NTM: variants seen among roughly 807,000 people sequenced by gnomAD.
The protein encoded by NTM is neurotrimin.
In NTM, 13 loss-of-function variants were observed where a neutral mutation model predicts 42.1. The observed-to-expected ratio is 0.31, with a 90% CI of 0.20 to 0.49. NTM has a LOEUF of 0.49. Among genes scored for constraint, NTM ranks in the 20% least tolerant of loss-of-function variants. The probability of loss-of-function intolerance (pLI) is 0.99; values close to 1 mark genes in which losing one functional copy is unlikely to be tolerated. For synonymous variants in NTM, 187 were observed against 179.2 expected (o/e 1.04, Z -0.35); for missense variants, 373 against 452.8 (o/e 0.82, Z 1.60).
At chr11:131,604,110 C>A (rs966682042) in intron 1 of NTM, among the ~76,000 whole-genome samples, 17 of 152,116 alleles carry the variant, frequency 1.1e-4, no homozygotes, top group Non-Finnish European at 2.4e-4. Context: ...AACTGTTTTT[C>A]AAAATGTGGA....
At chr11:132,089,735 C>T (rs150416579) in intron 2 of NTM, among the ~76,000 whole-genome samples, 79 of 152,192 alleles carry the variant, frequency 5.2e-4, no homozygotes, top group African/African-American at 1.8e-3. Flanking sequence ...CACCATTTTC[C>T]ACCCAAGCTT....
chr11:131,508,786 C>CA (rs1201663000), intron 1 of NTM, among the ~76,000 whole-genome samples: 7 of 78,556 alleles, frequency 8.9e-5, no homozygotes, highest in African/African-American at 4.0e-4. Context: ...ATCGCAAGAA[C>CA]AAAAAACCAA....
At chr11:132,077,157 G>T (rs949369425) in intron 2 of NTM, among the ~76,000 whole-genome samples, 3 of 152,230 alleles carry the variant, frequency 2.0e-5, no homozygotes, top group Non-Finnish European at 4.4e-5. Flanking sequence ...ACATGCGAAG[G>T]CACAGGGTGA....
chr11:131,621,065 G>A (rs1283475659), intron 1 of NTM, among the ~76,000 whole-genome samples: 1 of 152,202 alleles, frequency 6.6e-6, no homozygotes, highest in East Asian at 1.9e-4. Context: ...GAATGATGTA[G>A]CATGTGAGAG....
chr11:132,169,417 C>T (rs1025006637), intron 3 of NTM, among the ~76,000 whole-genome samples: 12 of 127,772 alleles, frequency 9.4e-5, no homozygotes, highest in Admixed American at 8.6e-4. Flanking sequence ...CTCACTGCAA[C>T]TTCTGCCTCC....
chr11:131,568,294 C>CT (rs2057098349), intron 1 of NTM, among the ~76,000 whole-genome samples: 1 of 152,218 alleles, frequency 6.6e-6, no homozygotes, highest in Non-Finnish European at 1.5e-5. Context: ...TCACAGTCCT[C>CT]TTGCAAGACA....
At chr11:132,277,852 TC>T (rs1236552274) in intron 4 of NTM, among the ~76,000 whole-genome samples, 3 of 152,194 alleles carry the variant, frequency 2.0e-5, no homozygotes, top group African/African-American at 7.2e-5. Context: ...AAATCCATCC[TC>T]TGTGCTACTG....
chr11:132,063,090 G>T (rs967729204), intron 2 of NTM, among the ~76,000 whole-genome samples: 1 of 152,126 alleles, frequency 6.6e-6, no homozygotes, highest in Non-Finnish European at 1.5e-5. Context: ...CAGGTTCTGT[G>T]TCTGGTGAGG....
At chr11:132,204,947 T>C (rs1245784304) in intron 3 of NTM, among the ~76,000 whole-genome samples, 1 of 152,178 alleles carries the variant, frequency 6.6e-6, no homozygotes. Context: ...AGCTTTCCAA[T>C]CTGGGTTGGA....
chr11:131,414,609 T>C (rs921518219), intron 1 of NTM, among the ~76,000 whole-genome samples: 1 of 152,192 alleles, frequency 6.6e-6, no homozygotes, highest in Non-Finnish European at 1.5e-5. Flanking sequence ...TGGATGCATA[T>C]ACCATGGTCT....
At chr11:132,000,270 A>G (rs2068935684) in intron 2 of NTM, among the ~76,000 whole-genome samples, 1 of 152,206 alleles carries the variant, frequency 6.6e-6, no homozygotes, top group African/African-American at 2.4e-5. Context: ...AGATAGGCAC[A>G]TATCTGACAC....
At chr11:131,856,275 T>C (rs1234686395) in intron 1 of NTM, among the ~76,000 whole-genome samples, 4 of 152,196 alleles carry the variant, frequency 2.6e-5, no homozygotes, top group African/African-American at 9.7e-5. Context: ...AAAAACATCA[T>C]ATATAATGAC....
intron 1 of NTM, among the ~76,000 whole-genome samples, chr11:131,477,567 A>T (rs1953087208): frequency 6.6e-6 from 1 of 151,842 alleles, no homozygotes; most frequent in Non-Finnish European, 1.5e-5. Context: ...TTCCTATATC[A>T]GCTTGAATGT....
intron 2 of NTM, among the ~76,000 whole-genome samples, chr11:132,089,120 A>G (rs368936381): frequency 5.9e-5 from 9 of 152,144 alleles, no homozygotes; most frequent in East Asian, 5.8e-4. Flanking sequence ...ACTTTCTCAA[A>G]ACACTCTCAT....
intron 1 of NTM, among the ~76,000 whole-genome samples, chr11:131,843,012 A>AAAATAAAT (rs560126461): frequency 1.3e-5 from 2 of 152,060 alleles, no homozygotes; most frequent in African/African-American, 2.4e-5. Flanking sequence ...TTTGTCTCAA[A>AAAATAAAT]AAATAAATAA....
At chr11:131,571,723 C>T (rs570828170) in intron 1 of NTM, among the ~76,000 whole-genome samples, 3 of 152,290 alleles carry the variant, frequency 2.0e-5, no homozygotes, top group East Asian at 3.9e-4. Flanking sequence ...AAAGAGATGT[C>T]GGATTTCCTT....
chr11:132,141,907 T>C (rs2069236444), intron 2 of NTM, among the ~76,000 whole-genome samples: 1 of 152,090 alleles, frequency 6.6e-6, no homozygotes. Context: ...GGGAAAACCA[T>C]TCACAGAGAC....
At chr11:131,598,683 T>TTTTCTTTCTTTCTTTCTC in intron 1 of NTM, among the ~76,000 whole-genome samples, 1 of 74,812 alleles carries the variant, frequency 1.3e-5, no homozygotes, top group East Asian at 4.6e-4. Flanking sequence ...TTCTCATTTG[T>TTTTCTTTCTTTCTTTCTC]TTTCTTTCTT....
At chr11:131,819,856 T>C (rs1056384713) in intron 1 of NTM, among the ~76,000 whole-genome samples, 6 of 152,194 alleles carry the variant, frequency 3.9e-5, no homozygotes, top group African/African-American at 1.2e-4. Context: ...AGCACCCTGT[T>C]AATGGGATTA....
Sources: allele counts gnomAD v4.1 joint callset (sites outside exome capture counted in the v4.1 genomes callset), GRCh38; gene constraint gnomAD v4.1.1; transcripts MANE v1.5; gene names NCBI Gene and HGNC (gene_info 2026-07-23, HGNC 2026-07-21).